The following CACNA1E variants were observed in gnomAD, a reference collection of about 807,000 sequenced individuals.
The protein encoded by CACNA1E is calcium voltage-gated channel subunit alpha1 E, also known as voltage-dependent R-type calcium channel subunit alpha-1E.
In CACNA1E, 40 loss-of-function variants were observed where a neutral mutation model predicts 259.2. That is an observed-to-expected ratio of 0.15 (90% CI 0.12 to 0.20). The LOEUF (loss-of-function observed/expected upper bound fraction) is 0.20, where lower values mean the gene tolerates loss of function less well. CACNA1E is among the 10% of genes least tolerant of loss of function. The pLI is 1.00. For missense variants in CACNA1E, 1,874 were observed against 3,040.1 expected (o/e 0.62, Z 9.02); for synonymous variants, 1,104 against 1,138.5 (o/e 0.97, Z 0.61).
intron 43 of CACNA1E, among the ~76,000 whole-genome samples, chr1:181,786,605 C>G (rs560854752): frequency 6.6e-6 from 1 of 152,168 alleles, no homozygotes; most frequent in African/African-American, 2.4e-5. Context: ...CCCAATTAAT[C>G]TACTATAGCA....
chr1:181,688,604 T>A (rs1173507344), intron 7 of CACNA1E, among the ~76,000 whole-genome samples: 1 of 152,246 alleles, frequency 6.6e-6, no homozygotes, highest in Non-Finnish European at 1.5e-5. Context: ...TGTGAAATGT[T>A]TAAATCAAGC....
At position 181,807,440 on chromosome 1, in the gene CACNA1E, C is replaced by T. The variant is rs1662708718; in HGVS notation, c.*8606C>T. 1 of 152,068 alleles carries T rather than the reference C, an allele frequency of 6.6e-6. No individual in the cohort carries two copies. The highest frequency in any genetic ancestry group is 1.5e-5 in the Non-Finnish European group (1 of 68,054). 9.4% of individuals were successfully genotyped at this position (152,068 alleles called of 1,614,324 possible). ...TTAGGAGATACTGTCCATTCTTCCT[C>T]CTGTCCACATCACTCCCCATTTAAC... On this transcript the variant is annotated 3_prime_UTR_variant, in exon 48 of 48. Coordinates refer to ENST00000367573, the MANE Select transcript of CACNA1E (RefSeq NM_001205293.3).
At chr1:181,496,477 C>A (rs1440790719) in intron 1 of CACNA1E, among the ~76,000 whole-genome samples, 1 of 152,198 alleles carries the variant, frequency 6.6e-6, no homozygotes, top group Non-Finnish European at 1.5e-5. Context: ...TGGCTAACTA[C>A]TTCCTATCTG....
intron 1 of CACNA1E, among the ~76,000 whole-genome samples, chr1:181,352,661 A>G (rs1200607702): frequency 6.6e-6 from 1 of 152,198 alleles, no homozygotes; most frequent in Non-Finnish European, 1.5e-5. Context: ...CTGAGAGGAA[A>G]GAAATAGATC....
Position 181,790,511 on chromosome 1 carries a change from T to C in CACNA1E, c.5853T>C (p.Cys1951=), listed in dbSNP as rs374978888. The change falls in exon 44 of 48, where the codon TGT becomes TGC. Residue 1951 remains cysteine (C), a synonymous_variant. Coordinates refer to ENST00000367573, the MANE Select transcript of CACNA1E (RefSeq NM_001205293.3). ...LSPQDIFQLA[C]MDPADDGQFQ... ...CCCAGGATATATTCCAGTTGGCTTG[T>C]ATGGACCCCGCCGATGACGGACAGT... 555 of 1,613,684 alleles carry C rather than the reference T, an allele frequency of 3.4e-4. 3 individuals carry two copies. In the African/African-American group the frequency reaches 6.6e-3, roughly 19 times the overall value.
chr1:181,639,400 A>C (rs1338831634), intron 6 of CACNA1E, among the ~76,000 whole-genome samples: 1 of 152,226 alleles, frequency 6.6e-6, no homozygotes, highest in Admixed American at 6.5e-5. Context: ...GTAGATGCTT[A>C]ACAAGTGGAA....
At chr1:181,627,401 A>G (rs1216792574) in intron 6 of CACNA1E, among the ~76,000 whole-genome samples, 1 of 152,202 alleles carries the variant, frequency 6.6e-6, no homozygotes, top group East Asian at 1.9e-4. Flanking sequence ...TGTATCTGGA[A>G]AATGTAATGC....
At chr1:181,408,886 G>A (rs1240950649) in intron 1 of CACNA1E, among the ~76,000 whole-genome samples, 1 of 152,144 alleles carries the variant, frequency 6.6e-6, no homozygotes, top group African/African-American at 2.4e-5. Flanking sequence ...CTCTTCAGGA[G>A]TGTTGAGTGT....
chr1:181,747,757 A>G (rs1328336687), intron 25 of CACNA1E, among the ~76,000 whole-genome samples: 1 of 152,230 alleles, frequency 6.6e-6, no homozygotes, highest in Non-Finnish European at 1.5e-5. Context: ...ATGTGCCTCA[A>G]TTAAGGTACT....
intron 25 of CACNA1E, among the ~76,000 whole-genome samples, chr1:181,748,179 A>G (rs1247766680): frequency 6.6e-6 from 1 of 152,118 alleles, no homozygotes; most frequent in Non-Finnish European, 1.5e-5. Context: ...TCCTTGGCTC[A>G]GACCTGTGGG....
chr1:181,572,084 G>A (rs1315096657), intron 3 of CACNA1E, among the ~76,000 whole-genome samples: 1 of 152,172 alleles, frequency 6.6e-6, no homozygotes, highest in East Asian at 1.9e-4. Flanking sequence ...CATTTTGGCT[G>A]GCAACCCTGA....
intron 3 of CACNA1E, among the ~76,000 whole-genome samples, chr1:181,513,111 G>A (rs1666287623): frequency 6.6e-6 from 1 of 152,142 alleles, no homozygotes; most frequent in Non-Finnish European, 1.5e-5. Context: ...AGCTCTATAT[G>A]TGGCAGAATC....
At chr1:181,642,146 CTT>C (rs1657845536) in intron 6 of CACNA1E, among the ~76,000 whole-genome samples, 1 of 152,156 alleles carries the variant, frequency 6.6e-6, no homozygotes, top group South Asian at 2.1e-4. Flanking sequence ...TCTGGTTCTA[CTT>C]CCGTACCCAA....
intron 2 of CACNA1E, among the ~76,000 whole-genome samples, chr1:181,448,701 T>C (rs1224377703): frequency 1.3e-5 from 2 of 152,254 alleles, no homozygotes; most frequent in African/African-American, 4.8e-5. Context: ...AGAGACTTTG[T>C]CTCAAGGCCT....
chr1:181,723,979 A>AACCTTC (rs1654651730), intron 16 of CACNA1E, among the ~76,000 whole-genome samples: 1 of 152,138 alleles, frequency 6.6e-6, no homozygotes, highest in Admixed American at 6.5e-5. Flanking sequence ...TGATCAACTT[A>AACCTTC]ACCTTCAGCC....
chr1:181,440,489 T>C (rs1660388973), intron 2 of CACNA1E, among the ~76,000 whole-genome samples: 1 of 152,038 alleles, frequency 6.6e-6, no homozygotes, highest in Non-Finnish European at 1.5e-5. Flanking sequence ...CAAAGAACAA[T>C]AGCAAGCTGA....
chr1:181,651,503 T>G (rs1244527435), intron 7 of CACNA1E, 62 bp downstream of exon 7: 8 of 1,136,592 alleles, frequency 7.0e-6, no homozygotes, highest in Non-Finnish European at 1.1e-5. Flanking sequence ...AACTAATGCC[T>G]CCTGACTCAT....
At chr1:181,709,513 TTTCCCTGC>T (rs1558291059) in intron 7 of CACNA1E, among the ~76,000 whole-genome samples, 1 of 152,220 alleles carries the variant, frequency 6.6e-6, no homozygotes, top group Admixed American at 6.5e-5. Flanking sequence ...GCGTCTTCCC[TTTCCCTGC>T]ACTGTAGCTG....
At chr1:181,518,141 G>T (rs915404347) in intron 3 of CACNA1E, among the ~76,000 whole-genome samples, 1 of 152,118 alleles carries the variant, frequency 6.6e-6, no homozygotes, top group Admixed American at 6.5e-5. Context: ...GGAAACCGAG[G>T]CTGAGTGGAG....
Sources: allele counts gnomAD v4.1 joint callset (sites outside exome capture counted in the v4.1 genomes callset), GRCh38; gene constraint gnomAD v4.1.1; transcripts MANE v1.5; gene names NCBI Gene and HGNC (gene_info 2026-07-23, HGNC 2026-07-21).